Variants in COL27A1 observed in about 807,000 individuals in gnomAD.
COL27A1 encodes collagen type XXVII alpha 1 chain.
COL27A1 carries 106 observed loss-of-function variants against 251.3 expected under a neutral mutation model. The ratio of observed to expected loss-of-function variants is 0.42; its 90% confidence interval spans 0.36 to 0.50. The LOEUF (loss-of-function observed/expected upper bound fraction) is 0.50, where lower values mean the gene tolerates loss of function less well. COL27A1 is among the 20% of genes least tolerant of loss of function. The pLI, the probability that COL27A1 is intolerant of heterozygous loss-of-function variation, is 0.00. For missense variants in COL27A1, 2,325 were observed against 2,522.8 expected, an observed-to-expected ratio of 0.92 and a Z score of 1.68; for synonymous variants, 1,000 against 986.3, an observed-to-expected ratio of 1.01 and a Z score of -0.26.
intron 19 of COL27A1, among the ~76,000 whole-genome samples, chr9:114,239,432 C>CTGAG (rs1832609763): frequency 6.6e-6 from 1 of 152,196 alleles, no homozygotes; most frequent in African/African-American, 2.4e-5. Context: ...GATGAGGAAG[C>CTGAG]TGAGGCCCAG....
chr9:114,301,004 ACCCCGCT>A (rs1363693085), intron 51 of COL27A1, 61 bp from the exon 52 acceptor site: 32 of 1,497,928 alleles, frequency 2.1e-5, no homozygotes, highest in Non-Finnish European at 2.7e-5. Flanking sequence ...GCTGCCCTCC[ACCCCGCT>A]CCCCGTGTCT....
rs568561295 is a variant in COL27A1, at chr9:114,258,975, G to A, written c.3195+381G>A. On this transcript the variant is annotated intron_variant, in intron 28 of 60. Transcript: ENST00000356083. ...CCTGCCCTTGTGAGCCAGTCAACAA[G>A]TGAATCAAACCACTTGGCAGATGCA... Among the ~76,000 whole-genome samples, 5 of 152,334 alleles carry A rather than the reference G, an allele frequency of 3.3e-5. No individual in the cohort carries two copies. The South Asian group carries it at 8.3e-4, about 25-fold the overall frequency.
chr9:114,156,024 C>T lies in COL27A1; in HGVS notation c.62+12C>T, dbSNP rs2134976397. 19 of 1,297,824 alleles carry T rather than the reference C, an allele frequency of 1.5e-5. No homozygotes were observed. Among genetic ancestry groups the T allele is most frequent in the Non-Finnish European group, 1.9e-5 (19 of 1,019,258 alleles). The allele number at this position is 1,297,824 out of a possible 1,614,324, so 80.4% of individuals were successfully genotyped here. ...GCGGCGCGCGGGGGGTGAGTACGAA[C>T]TCGGGGACGCCCCCTCCCTAGCTTC... On this transcript the variant is annotated intron_variant, in intron 1 of 60. Transcript: ENST00000356083.
chr9:114,204,891 A>G (rs566662344), intron 7 of COL27A1, among the ~76,000 whole-genome samples: 1 of 152,352 alleles, frequency 6.6e-6, no homozygotes, highest in African/African-American at 2.4e-5. Context: ...CTCTGGCCTA[A>G]GAACCACTGG....
At chr9:114,175,550 A>G (rs1827365727) in intron 3 of COL27A1, among the ~76,000 whole-genome samples, 1 of 152,224 alleles carries the variant, frequency 6.6e-6, no homozygotes, top group Admixed American at 6.5e-5. Context: ...GGGATTGGCC[A>G]GGCCCGAAGC....
intron 13 of COL27A1, among the ~76,000 whole-genome samples, chr9:114,220,994 C>CAAA (rs35673362): frequency 3.3e-4 from 36 of 107,706 alleles, no homozygotes; most frequent in Middle Eastern, 5.0e-3. Flanking sequence ...GACTCTGTCT[C>CAAA]AAAAAAAAAA....
chr9:114,205,845 C>T (rs1357778984), intron 9 of COL27A1, 33 bp downstream of exon 9: 1 of 1,595,816 alleles, frequency 6.3e-7, no homozygotes, highest in Non-Finnish European at 8.5e-7. Context: ...GCTCTGTGGC[C>T]ATGGTGATGT....
intron 2 of COL27A1, among the ~76,000 whole-genome samples, chr9:114,164,921 C>A (rs1848725831): frequency 6.6e-6 from 1 of 152,160 alleles, no homozygotes; most frequent in Non-Finnish European, 1.5e-5. Flanking sequence ...TCAAGCCAAC[C>A]TGAACCAGCA....
intron 14 of COL27A1, among the ~76,000 whole-genome samples, chr9:114,229,114 G>A (rs28704004): frequency 0.075 from 11,493 of 152,254 alleles, 1,100 homozygotes; most frequent in African/African-American, 0.22. Context: ...ATGAGCCATG[G>A]CGCCACGCTG....
At chr9:114,279,446 T>C (rs1387284794) in intron 37 of COL27A1, among the ~76,000 whole-genome samples, 2 of 152,204 alleles carry the variant, frequency 1.3e-5, no homozygotes, top group Non-Finnish European at 2.9e-5. Context: ...TGAGATTGCC[T>C]AGTGCAGTCC....
chr9:114,223,013 G>A (rs73562580), intron 14 of COL27A1, among the ~76,000 whole-genome samples: 3,494 of 152,276 alleles, frequency 0.023, 135 homozygotes, highest in African/African-American at 0.08. Context: ...GCCTATACAC[G>A]AGGAGGTGGG....
At position 114,290,711 on chromosome 9, in the gene COL27A1, C is replaced by G; in HGVS notation, c.4369-99C>G. 1 of 885,260 alleles carries G rather than the reference C, an allele frequency of 1.1e-6. No individual in the cohort carries two copies. The highest frequency in any genetic ancestry group is 1.7e-6 in the Non-Finnish European group (1 of 578,184). 54.8% of individuals were successfully genotyped at this position (885,260 alleles called of 1,614,324 possible). A position where few individuals can be genotyped will look rare whatever the true frequency, so the allele number is the denominator to read the frequency against. ...CTCCATCCTGGAGTGTGACCCCTTCCTCCAGCTTCACCCAGGGTTTGCCCA... is the reference window on the plus strand; with the variant it reads ...CTCCATCCTGGAGTGTGACCCCTTCGTCCAGCTTCACCCAGGGTTTGCCCA... On this transcript the variant is annotated intron_variant, in intron 47 of 60. Coordinates refer to ENST00000356083, the MANE Select transcript of COL27A1 (RefSeq NM_032888.4). This position sits in a 1 kb window ranked among gnomAD's most constrained non-coding sequence, Gnocchi z 4.6.
rs532316595 is a variant in COL27A1 at position 114,281,704 on chromosome 9, G to C, written c.3718-573G>C. Reference sequence around the variant, plus strand: ...CCTGCCACCTCATGTCATCAGTGGGGACCATGAGCCAGGGGTGGTAAGAGC... The same window carrying C: ...CCTGCCACCTCATGTCATCAGTGGGCACCATGAGCCAGGGGTGGTAAGAGC... On this transcript the variant is annotated intron_variant, in intron 37 of 60. Coordinates refer to ENST00000356083, the MANE Select transcript of COL27A1 (RefSeq NM_032888.4). 2.6e-5 allele frequency among the ~76,000 whole-genome samples: 4 copies of C among 152,326 alleles called. No individual in the cohort carries two copies. The East Asian group carries it at 7.7e-4, about 29-fold the overall frequency.
chr9:114,230,962 A>C, intron 14 of COL27A1, 117 bp from the exon 15 acceptor site: 1 of 728,918 alleles, frequency 1.4e-6, no homozygotes, highest in Non-Finnish European at 2.3e-6. Context: ...GATCAATCCT[A>C]CAGAGTTGCG....
intron 1 of COL27A1, among the ~76,000 whole-genome samples, chr9:114,162,213 T>C (rs1181472512): frequency 2.0e-5 from 3 of 152,214 alleles, no homozygotes; most frequent in Non-Finnish European, 4.4e-5. Context: ...GGAATTGGTC[T>C]CCCAAGCAGT....
chr9:114,265,124 G>C lies in COL27A1; in HGVS notation c.3339+14G>C. 2 of 1,345,058 alleles carry C rather than the reference G, an allele frequency of 1.5e-6. No homozygotes were observed. Among genetic ancestry groups the C allele is most frequent in the Non-Finnish European group, 2.0e-6 (2 of 995,938 alleles). The allele number at this position is 1,345,058 out of a possible 1,614,324, so 83.3% of individuals were successfully genotyped here. A position where few individuals can be genotyped will look rare whatever the true frequency, so the allele number is the denominator to read the frequency against. On this transcript the variant is annotated intron_variant, in intron 31 of 60. Transcript: ENST00000356083. ...AGAGGCTTTCCTGTAAGTAGCACCA[G>C]TTCTTGAAATTCTCTACATGGGGCT...
chr9:114,246,544 T>G (rs1218441957), intron 24 of COL27A1, among the ~76,000 whole-genome samples: 3 of 152,202 alleles, frequency 2.0e-5, no homozygotes. Context: ...GCTTAACCTC[T>G]TGGCTCCAAG....
chr9:114,205,445 C>T (rs868061537), intron 8 of COL27A1, among the ~76,000 whole-genome samples: 9 of 152,338 alleles, frequency 5.9e-5, no homozygotes, highest in African/African-American at 1.4e-4. Context: ...TTATACTCAC[C>T]GCCACGGGGT....
chr9:114,192,037 A>G (rs1380019053), intron 5 of COL27A1, among the ~76,000 whole-genome samples: 1 of 152,202 alleles, frequency 6.6e-6, no homozygotes, highest in Admixed American at 6.5e-5. Context: ...GGCTTGTAGC[A>G]TCTGTACTTG....
Sources: gnomAD v4.1 joint callset for allele counts (sites outside exome capture counted in the v4.1 genomes callset) on GRCh38, gnomAD v4.1.1 for gene constraint, Gnocchi (gnomAD v3.1) non-coding constraint, MANE v1.5 for transcripts, NCBI Gene and HGNC (gene_info 2026-07-23, HGNC 2026-07-21) for gene names.